MYH10: variants seen among roughly 807,000 people sequenced by gnomAD.
The protein encoded by MYH10 is myosin heavy chain 10, also known as myosin-10.
MYH10 carries 55 observed loss-of-function variants against 257.8 expected under a neutral mutation model. The ratio of observed to expected loss-of-function variants is 0.21; its 90% CI spans 0.17 to 0.27. The LOEUF is 0.27. Among genes scored for constraint, MYH10 ranks in the 10% least tolerant of loss-of-function variants. MYH10 has a pLI of 1.00. For synonymous variants in MYH10, 854 were observed against 921.7 expected, an observed-to-expected ratio of 0.93 and a Z score of 1.33; for missense variants, 1,631 against 2,500.6, an observed-to-expected ratio of 0.65 and a Z score of 7.42.
At chr17:8,494,316 C>T (rs1489081994) in intron 31 of MYH10, among the ~76,000 whole-genome samples, 1 of 152,238 alleles carries the variant, frequency 6.6e-6, no homozygotes, top group Non-Finnish European at 1.5e-5. Context: ...CTTTGTATTT[C>T]CTGCCAGATT....
At chr17:8,491,657 T>C (rs1346827000) in intron 34 of MYH10, among the ~76,000 whole-genome samples, 1 of 152,208 alleles carries the variant, frequency 6.6e-6, no homozygotes, top group East Asian at 1.9e-4. Context: ...ATGGTCAGAA[T>C]GGAAGCCTGT....
rs767549493 is a variant in MYH10 at position 8,504,643 on chromosome 17, C to T, written c.3599+51G>A. The T allele has an allele frequency of 1.8e-5, 27 of 1,528,988 alleles. No homozygotes were observed. Among genetic ancestry groups the T allele is most frequent in the South Asian group, 2.3e-5 (2 of 87,348 alleles). The allele number at this position is 1,528,988 out of a possible 1,614,324, so 94.7% of individuals were successfully genotyped here. A position where few individuals can be genotyped will look rare whatever the true frequency, so the allele number is the denominator to read the frequency against. ...CACACCAGGCATTTCTGCACGGGCT[C>T]GGTGGAGAGGTCGGCAGGCGCCCGG... On this transcript the variant is annotated intron_variant, in intron 28 of 42. Transcript: ENST00000360416. This position sits in a 1 kb window ranked among gnomAD's most constrained non-coding sequence, Gnocchi z 5.6.
chr17:8,614,539 G>C (rs1858855727), intron 2 of MYH10, among the ~76,000 whole-genome samples: 1 of 151,934 alleles, frequency 6.6e-6, no homozygotes, highest in East Asian at 1.9e-4. Flanking sequence ...GGCTGGTCTT[G>C]ACACTGGCCT....
chr17:8,552,315 G>T lies in MYH10; in HGVS notation c.821-171C>A, dbSNP rs2151964985. Among the ~76,000 whole-genome samples the T allele has an allele frequency of 6.6e-6, 1 of 152,194 alleles. No homozygotes were observed. The highest frequency in any genetic ancestry group is 2.1e-4 in the South Asian group (1 of 4,814). ...TGACTGTCTTCCATCTGTGAAAAAAGAAAATAGGTGCAACTTACGTTCCTC... is the reference window on the plus strand; with the variant it reads ...TGACTGTCTTCCATCTGTGAAAAAATAAAATAGGTGCAACTTACGTTCCTC... On this transcript the variant is annotated intron_variant, in intron 8 of 42. Transcript: ENST00000360416. This position sits in a 1 kb window ranked among gnomAD's most constrained non-coding sequence, Gnocchi z 4.8.
intron 3 of MYH10, among the ~76,000 whole-genome samples, chr17:8,598,423 T>G (rs536459793): frequency 6.6e-6 from 1 of 152,332 alleles, no homozygotes; most frequent in East Asian, 1.9e-4. Context: ...TAGGAGAAAA[T>G]GTTCTTTGTT....
At chr17:8,514,204 C>T (rs558679168) in intron 21 of MYH10, among the ~76,000 whole-genome samples, 5 of 152,266 alleles carry the variant, frequency 3.3e-5, no homozygotes, top group South Asian at 2.1e-4. Context: ...ACTAAGAAAC[C>T]GATTTTCCTG....
At chr17:8,583,560 G>C (rs948557343) in intron 4 of MYH10, among the ~76,000 whole-genome samples, 2 of 152,134 alleles carry the variant, frequency 1.3e-5, no homozygotes, top group African/African-American at 4.8e-5. Context: ...CATAGTTCAT[G>C]GCAGAGCTGG....
intron 28 of MYH10, among the ~76,000 whole-genome samples, chr17:8,502,480 T>TTGTGTGTGTGTGTGTGTGTGTGTGTG (rs55865122): frequency 1.3e-5 from 2 of 150,260 alleles, no homozygotes; most frequent in Non-Finnish European, 3.0e-5. Flanking sequence ...GGGAAAATAG[T>TTGTGTGTGTGTGTGTGTGTGTGTGTG]TGTGTGTGTG....
chr17:8,592,964 T>TATATATATATAA (rs1567953199), intron 3 of MYH10, among the ~76,000 whole-genome samples: 8 of 119,916 alleles, frequency 6.7e-5, no homozygotes, highest in African/African-American at 2.2e-4. Flanking sequence ...TATATATATA[T>TATATATATATAA]ATATATAAAA....
intron 2 of MYH10, among the ~76,000 whole-genome samples, chr17:8,606,240 T>G (rs2084799317): frequency 6.6e-6 from 1 of 152,178 alleles, no homozygotes; most frequent in Admixed American, 6.5e-5. Context: ...ACTTGCGGGT[T>G]TTTTAAATGT....
chr17:8,556,670 C>A (rs73248090), intron 7 of MYH10, among the ~76,000 whole-genome samples: 5,248 of 152,282 alleles, frequency 0.034, 283 homozygotes, highest in African/African-American at 0.12. Flanking sequence ...GTAAGGGAAA[C>A]ATTCTTCCTC....
intron 14 of MYH10, among the ~76,000 whole-genome samples, chr17:8,540,033 A>G (rs1323072452): frequency 6.6e-6 from 1 of 152,214 alleles, no homozygotes; most frequent in Non-Finnish European, 1.5e-5. Flanking sequence ...GCTGTCGCCT[A>G]GACTGGAGTG....
At position 8,535,995 on chromosome 17, in the gene MYH10, G is replaced by A. The variant is rs2151934507; in HGVS notation, c.1606-64C>T. On this transcript the variant is annotated intron_variant, in intron 14 of 42. Transcript: ENST00000360416. The surrounding 1 kb of genome is among the most constrained non-coding windows in gnomAD (Gnocchi z 4.3). ...TGCCACTTTAATACTACTGAGTCTG[G>A]CACTTAAACTTCTAAAACAATTAGT... The A allele has an allele frequency of 7.0e-7, 1 of 1,433,564 alleles. No homozygotes were observed. Among genetic ancestry groups the A allele is most frequent in the Non-Finnish European group, 9.6e-7 (1 of 1,043,196 alleles). 88.8% of individuals were successfully genotyped at this position (1,433,564 alleles called of 1,614,324 possible).
chr17:8,523,221 A>C (rs188738720), intron 17 of MYH10, among the ~76,000 whole-genome samples: 1 of 152,074 alleles, frequency 6.6e-6, no homozygotes, highest in Non-Finnish European at 1.5e-5. Context: ...AGATGTCACA[A>C]AGGTGCCTCT....
At chr17:8,496,169 T>A (rs1051282495) in intron 30 of MYH10, among the ~76,000 whole-genome samples, 4 of 152,368 alleles carry the variant, frequency 2.6e-5, no homozygotes, top group African/African-American at 9.6e-5. Context: ...AGATGCTTTA[T>A]AATTTTTGAC....
At chr17:8,616,332 G>T (rs763155920) in intron 2 of MYH10, among the ~76,000 whole-genome samples, 1 of 151,750 alleles carries the variant, frequency 6.6e-6, no homozygotes, top group Non-Finnish European at 1.5e-5. Context: ...CATTATTTGT[G>T]GACAACATGT....
chr17:8,550,535 C>T (rs1292653331), intron 9 of MYH10, among the ~76,000 whole-genome samples: 1 of 150,978 alleles, frequency 6.6e-6, no homozygotes, highest in Non-Finnish European at 1.5e-5. Context: ...CAGCCCCCCG[C>T]CCGGCCAGCC....
At chr17:8,532,117 T>G (rs1392558600) in intron 16 of MYH10, among the ~76,000 whole-genome samples, 1 of 152,172 alleles carries the variant, frequency 6.6e-6, no homozygotes, top group East Asian at 1.9e-4. Flanking sequence ...CCACCTAAGC[T>G]GAAGAGCGAC....
At chr17:8,599,526 A>G (rs529968690) in intron 3 of MYH10, among the ~76,000 whole-genome samples, 16 of 152,104 alleles carry the variant, frequency 1.1e-4, no homozygotes, top group Non-Finnish European at 2.1e-4. Context: ...TTTCTATCTT[A>G]AACCACCAAT....
Sources: allele counts gnomAD v4.1 joint callset (sites outside exome capture counted in the v4.1 genomes callset), GRCh38; gene constraint gnomAD v4.1.1; non-coding constraint Gnocchi (gnomAD v3.1); transcripts MANE v1.5; gene names NCBI Gene and HGNC (gene_info 2026-07-23, HGNC 2026-07-21).